The following AFF2 variants were observed in gnomAD, a reference collection of about 807,000 sequenced individuals.
AFF2 encodes the protein ALF transcription elongation factor 2.
In AFF2, 14 loss-of-function variants were observed where a neutral mutation model predicts 76.9. The observed-to-expected ratio is 0.18, with a 90% confidence interval of 0.12 to 0.28. The LOEUF is 0.28. AFF2 is among the 10% of genes least tolerant of loss of function. The probability of loss-of-function intolerance (pLI) is 1.00; values close to 1 mark genes in which losing one functional copy is unlikely to be tolerated. For synonymous variants in AFF2, 398 were observed against 366.7 expected (o/e 1.09, Z -0.98); for missense variants, 868 against 1,001.1 (o/e 0.87, Z 1.79).
chrX:148,531,972 T>A (rs781900101), intron 1 of AFF2, among the ~76,000 whole-genome samples: 26 of 111,254 alleles, frequency 2.3e-4, no homozygotes, highest in Non-Finnish European at 4.7e-4. Context: ...TTGTTAACAT[T>A]CTTTAATGGG....
chrX:148,564,161 A>C (rs782319948), intron 1 of AFF2, among the ~76,000 whole-genome samples: 117 of 111,909 alleles, frequency 1.0e-3, no homozygotes, highest in Non-Finnish European at 1.8e-3. Context: ...CTATAGCAGC[A>C]CTTACCTAAC....
At chrX:148,778,202 C>T (rs942275757) in intron 3 of AFF2, among the ~76,000 whole-genome samples, 4 of 111,540 alleles carry the variant, frequency 3.6e-5, no homozygotes, top group Non-Finnish European at 7.5e-5. Flanking sequence ...GGGATGAAGC[C>T]GACTTGATCG....
At chrX:148,658,476 G>A (rs1185703738) in intron 2 of AFF2, among the ~76,000 whole-genome samples, 1 of 111,916 alleles carries the variant, frequency 8.9e-6, no homozygotes, top group Non-Finnish European at 1.9e-5. Context: ...AAAGCTGCAC[G>A]CCTGGATTGT....
At chrX:148,656,211 T>C (rs1387649363) in intron 2 of AFF2, among the ~76,000 whole-genome samples, 1 of 112,097 alleles carries the variant, frequency 8.9e-6, no homozygotes, top group Non-Finnish European at 1.9e-5. Context: ...TCTCTTGGGC[T>C]GCTTTTGTAG....
At chrX:148,830,065 G>A (rs1374125650) in intron 4 of AFF2, among the ~76,000 whole-genome samples, 1 of 112,186 alleles carries the variant, frequency 8.9e-6, no homozygotes, top group Non-Finnish European at 1.9e-5. Flanking sequence ...CATTCAGATA[G>A]CTGTCCCTTA....
chrX:148,515,989 A>G (rs2052530503), intron 1 of AFF2, among the ~76,000 whole-genome samples: 1 of 112,044 alleles, frequency 8.9e-6, no homozygotes, highest in Non-Finnish European at 1.9e-5. Context: ...TGGATAGGTC[A>G]GAACAAATTC....
At chrX:148,613,051 A>T (rs2053749562) in intron 1 of AFF2, among the ~76,000 whole-genome samples, 1 of 111,681 alleles carries the variant, frequency 9.0e-6, no homozygotes, top group Admixed American at 9.5e-5. Flanking sequence ...CTCAATAGTG[A>T]CCATAAGGAT....
chrX:148,956,415 C>A lies in AFF2; in HGVS notation c.2370C>A (p.Ser790=). The change falls in exon 11 of 21, where the codon TCC becomes TCA. Residue 790 remains serine (S), a synonymous_variant. Transcript: ENST00000370460. ...PIPVMQTEIL[S]PLRDHENLKN... The stretch of plus-strand genomic sequence containing the variant: ...CTGTCATGCAAACTGAAATCCTGTC[C>A]CCTCTGCGAGATCATGAGAACCTGA... 1 of 1,211,190 alleles carries A rather than the reference C, an allele frequency of 8.3e-7. No individual in the cohort carries two copies. Among genetic ancestry groups the A allele is most frequent in the Non-Finnish European group, 1.1e-6 (1 of 895,120 alleles).
At chrX:148,704,354 A>T (rs868952990) in intron 3 of AFF2, among the ~76,000 whole-genome samples, 2 of 12,244 alleles carry the variant, frequency 1.6e-4, no homozygotes, top group Non-Finnish European at 2.8e-4. Flanking sequence ...ATATATATTT[A>T]TATATATATG....
chrX:148,662,867 A>C, intron 3 of AFF2, 99 bp downstream of exon 3: 1 of 907,721 alleles, frequency 1.1e-6, no homozygotes, highest in Non-Finnish European at 1.5e-6. Context: ...ATTTACCTTA[A>C]TGAGCTGTAT....
At chrX:148,581,579 C>T (rs782157055) in intron 1 of AFF2, among the ~76,000 whole-genome samples, 1 of 98,970 alleles carries the variant, frequency 1.0e-5, no homozygotes, top group Non-Finnish European at 2.0e-5. Flanking sequence ...TATACGTATA[C>T]GTGTACACAC....
At chrX:148,816,460 G>A (rs781893980) in intron 4 of AFF2, among the ~76,000 whole-genome samples, 1 of 111,570 alleles carries the variant, frequency 9.0e-6, no homozygotes, top group Admixed American at 9.6e-5. Flanking sequence ...GTCAAACAGG[G>A]AAGAAGCCAA....
intron 3 of AFF2, among the ~76,000 whole-genome samples, chrX:148,666,069 A>G (rs1443466774): frequency 8.9e-6 from 1 of 111,858 alleles, no homozygotes; most frequent in African/African-American, 3.3e-5. Context: ...AGAGATCACA[A>G]ACTATTATTG....
At chrX:148,637,195 G>C (rs956421789) in intron 1 of AFF2, among the ~76,000 whole-genome samples, 14 of 111,940 alleles carry the variant, frequency 1.3e-4, no homozygotes, top group Admixed American at 1.1e-3. Context: ...GCATTGGGTA[G>C]AAGCATATTA....
chrX:148,572,332 T>G (rs2053238647), intron 1 of AFF2, among the ~76,000 whole-genome samples: 1 of 112,179 alleles, frequency 8.9e-6, no homozygotes, highest in Non-Finnish European at 1.9e-5. Flanking sequence ...ATGCAGACAC[T>G]GTGGAAAACA....
At chrX:148,694,883 T>C (rs2054697863) in intron 3 of AFF2, among the ~76,000 whole-genome samples, 1 of 100,494 alleles carries the variant, frequency 1.0e-5, no homozygotes, top group Admixed American at 1.1e-4. Context: ...TGGCGCGATC[T>C]CTGCTCACTG....
At chrX:148,869,424 T>A (rs1283362298) in intron 7 of AFF2, among the ~76,000 whole-genome samples, 2 of 112,239 alleles carry the variant, frequency 1.8e-5, no homozygotes, top group African/African-American at 6.5e-5. Context: ...ACAAAATAAA[T>A]GAAGGAATGC....
intron 1 of AFF2, among the ~76,000 whole-genome samples, chrX:148,562,553 C>A (rs1034098725): frequency 1.8e-4 from 20 of 112,010 alleles, no homozygotes; most frequent in Non-Finnish European, 3.8e-4. Flanking sequence ...TTAAAACAAT[C>A]TGTCTAACCA....
At chrX:148,762,578 C>T (rs782263916) in intron 3 of AFF2, among the ~76,000 whole-genome samples, 1 of 107,572 alleles carries the variant, frequency 9.3e-6, no homozygotes, top group South Asian at 4.1e-4. Context: ...TTTGCAATTC[C>T]AAATGATGCT....
Sources: allele counts gnomAD v4.1 joint callset (sites outside exome capture counted in the v4.1 genomes callset), GRCh38; gene constraint gnomAD v4.1.1; transcripts MANE v1.5; gene names NCBI Gene and HGNC (gene_info 2026-07-23, HGNC 2026-07-21).